Variants in SCHIP1 observed in about 807,000 individuals in gnomAD.
SCHIP1 encodes the protein schwannomin-interacting protein 1.
In SCHIP1, 8 loss-of-function variants were observed where a neutral mutation model predicts 29.7. The ratio of observed to expected loss-of-function variants is 0.27; its 90% CI spans 0.16 to 0.49. The LOEUF is 0.49. SCHIP1 is among the 20% of genes least tolerant of loss of function. The pLI is 0.99. For missense variants in SCHIP1, 193 were observed against 294.6 expected, an observed-to-expected ratio of 0.66 and a Z score of 2.52; for synonymous variants, 76 against 94.9, an observed-to-expected ratio of 0.80 and a Z score of 1.16.
chr3:159,341,685 T>C, the SCHIP1 span, among the ~76,000 whole-genome samples: 1 of 152,330 alleles, frequency 6.6e-6, no homozygotes, highest in Admixed American at 6.5e-5. Context: ...TTATAACTGA[T>C]CTGGCTTTTT....
At chr3:159,891,088 G>A (rs749859230) in intron 5 of SCHIP1, among the ~76,000 whole-genome samples, 2 of 152,012 alleles carry the variant, frequency 1.3e-5, no homozygotes, top group African/African-American at 2.4e-5. Context: ...GATATATTTC[G>A]GGCCCAGGTG....
chr3:159,762,445 C>G, the SCHIP1 span, among the ~76,000 whole-genome samples: 2 of 152,174 alleles, frequency 1.3e-5, no homozygotes, highest in Non-Finnish European at 2.9e-5. Context: ...GGCAGCCACT[C>G]CCTACTTAGG....
chr3:159,502,385 T>C, the SCHIP1 span, among the ~76,000 whole-genome samples: 1 of 152,198 alleles, frequency 6.6e-6, no homozygotes, highest in Admixed American at 6.5e-5. Flanking sequence ...GTTTTGGGAA[T>C]GCAGAGAAGG....
the SCHIP1 span, among the ~76,000 whole-genome samples, chr3:159,337,432 G>T: frequency 5.9e-5 from 9 of 152,236 alleles, no homozygotes; most frequent in South Asian, 1.9e-3. Flanking sequence ...TGACATGATT[G>T]TATATCCAGA....
chr3:159,646,627 C>T, the SCHIP1 span, among the ~76,000 whole-genome samples: 1 of 152,144 alleles, frequency 6.6e-6, no homozygotes, highest in African/African-American at 2.4e-5. Flanking sequence ...ATCTTGGCAT[C>T]TGCTTTCTGG....
the SCHIP1 span, among the ~76,000 whole-genome samples, chr3:159,303,844 T>C: frequency 1.3e-5 from 2 of 152,154 alleles, no homozygotes; most frequent in Non-Finnish European, 2.9e-5. Context: ...TTTTACCATA[T>C]GTTTGTTTCT....
the SCHIP1 span, among the ~76,000 whole-genome samples, chr3:159,508,991 G>C: frequency 6.6e-6 from 1 of 152,280 alleles, no homozygotes; most frequent in African/African-American, 2.4e-5. Flanking sequence ...GGTCCACTTG[G>C]TGCAGAGCTG....
the SCHIP1 span, among the ~76,000 whole-genome samples, chr3:159,493,300 T>G: frequency 1.5e-3 from 235 of 152,292 alleles, 1 homozygote; most frequent in South Asian, 0.024. Flanking sequence ...AAAAAGCACA[T>G]ACTGGCAAAT....
chr3:159,488,612 G>A, the SCHIP1 span, among the ~76,000 whole-genome samples: 1 of 152,170 alleles, frequency 6.6e-6, no homozygotes, highest in Non-Finnish European at 1.5e-5. Context: ...AGCACTGGCT[G>A]CCAAGAAGAA....
chr3:159,500,362 C>T, the SCHIP1 span, among the ~76,000 whole-genome samples: 2 of 152,084 alleles, frequency 1.3e-5, no homozygotes, highest in Non-Finnish European at 2.9e-5. Flanking sequence ...AGCTTAGTTA[C>T]TGTATCACAA....
chr3:159,687,931 C>A, the SCHIP1 span, among the ~76,000 whole-genome samples: 1 of 152,214 alleles, frequency 6.6e-6, no homozygotes, highest in African/African-American at 2.4e-5. Flanking sequence ...GACACGAACT[C>A]ATTCTTTTTT....
the SCHIP1 span, among the ~76,000 whole-genome samples, chr3:159,451,295 C>T: frequency 6.6e-6 from 1 of 152,216 alleles, no homozygotes; most frequent in Admixed American, 6.5e-5. Context: ...ACTCTGATGA[C>T]ACATGTCTTT....
At chr3:159,372,749 AT>A in the SCHIP1 span, among the ~76,000 whole-genome samples, 1 of 152,044 alleles carries the variant, frequency 6.6e-6, no homozygotes. Context: ...GAGTAATAAT[AT>A]TTTTTGCATG....
intron 3 of SCHIP1, 33 bp downstream of exon 4, chr3:159,886,357 G>C: frequency 6.3e-7 from 1 of 1,597,740 alleles, no homozygotes; most frequent in Non-Finnish European, 8.6e-7. Flanking sequence ...GAAGCTCGGT[G>C]TTGTGATTTC....
chr3:159,362,882 TAAAC>T, the SCHIP1 span, among the ~76,000 whole-genome samples: 4 of 152,202 alleles, frequency 2.6e-5, no homozygotes, highest in Non-Finnish European at 4.4e-5. Flanking sequence ...TTTTGCCTGA[TAAAC>T]AAAGCAATCC....
chr3:159,822,314 A>AGGACAC, the SCHIP1 span, among the ~76,000 whole-genome samples: 2 of 152,112 alleles, frequency 1.3e-5, no homozygotes, highest in African/African-American at 4.8e-5. Flanking sequence ...GAGAGAGGAG[A>AGGACAC]GGACACCCTG....
chr3:159,828,374 T>TATATATACAC, the SCHIP1 span, among the ~76,000 whole-genome samples: 37 of 94,728 alleles, frequency 3.9e-4, 2 homozygotes, highest in African/African-American at 1.5e-3. Context: ...TATATATATA[T>TATATATACAC]ACATATATAT....
the SCHIP1 span, among the ~76,000 whole-genome samples, chr3:159,581,554 G>A: frequency 1.6e-4 from 24 of 151,872 alleles, no homozygotes; most frequent in South Asian, 1.7e-3. Flanking sequence ...TCTCACCCTC[G>A]CTAAGAGGTA....
At chr3:159,274,566 GT>G in the SCHIP1 span, 1 of 813,288 alleles carries the variant, frequency 1.2e-6, no homozygotes, top group Non-Finnish European at 1.5e-6. Flanking sequence ...AAAAAAAATG[GT>G]TTCTTCAAAA....
Sources: gnomAD v4.1 joint callset for allele counts (sites outside exome capture counted in the v4.1 genomes callset) on GRCh38, gnomAD v4.1.1 for gene constraint, MANE v1.5 for transcripts, NCBI Gene and HGNC (gene_info 2026-07-23, HGNC 2026-07-21) for gene names.